LSP1: variants seen among roughly 807,000 people sequenced by gnomAD.
The protein encoded by LSP1 is lymphocyte specific protein 1, also known as lymphocyte-specific protein 1.
A neutral mutation model predicts 49.3 loss-of-function variants in LSP1; 32 were observed. The observed-to-expected ratio is 0.65, with a 90% CI of 0.49 to 0.87. The LOEUF is 0.87. Among genes scored for constraint, LSP1 ranks in the 40% least tolerant of loss-of-function variants. The pLI, the probability that LSP1 is intolerant of heterozygous loss-of-function variation, is 0.00. For missense variants in LSP1, 428 were observed against 442.6 expected (o/e 0.97, Z 0.30); for synonymous variants, 179 against 178.8 (o/e 1.00, Z -0.01).
chr11:1,861,586 G>C (rs1051466477), intron 1 of LSP1, among the ~76,000 whole-genome samples: 9 of 151,828 alleles, frequency 5.9e-5, no homozygotes, highest in Non-Finnish European at 1.2e-4. Flanking sequence ...TAGATGAATG[G>C]TTGGATGGAT....
chr11:1,853,245 G>T, intron 1 of LSP1, 48 bp downstream of exon 1: 1 of 1,583,666 alleles, frequency 6.3e-7, no homozygotes, highest in Non-Finnish European at 8.6e-7. Context: ...GTCCACGGGT[G>T]CATAGTCCTT....
intron 1 of LSP1, chr11:1,866,606 T>C (rs1847798785): frequency 2.0e-6 from 3 of 1,511,444 alleles, no homozygotes; most frequent in Non-Finnish European, 2.7e-6. Flanking sequence ...TGGCCCCCCA[T>C]AAGCCTCCTC....
At chr11:1,858,633 G>A (rs1206256150) in intron 1 of LSP1, among the ~76,000 whole-genome samples, 2 of 152,236 alleles carry the variant, frequency 1.3e-5, no homozygotes, top group Non-Finnish European at 1.5e-5. Context: ...ACTTAGAAGA[G>A]AGGGAAGCGA....
chr11:1,864,281 C>T (rs1037762880), intron 1 of LSP1: 9 of 983,696 alleles, frequency 9.1e-6, no homozygotes, highest in Non-Finnish European at 9.7e-6. Context: ...GAACGGCCGA[C>T]GAAGGAGAAG....
intron 1 of LSP1, among the ~76,000 whole-genome samples, chr11:1,860,606 G>C (rs985481727): frequency 3.9e-5 from 6 of 152,172 alleles, no homozygotes; most frequent in African/African-American, 1.2e-4. Flanking sequence ...GTGATATTTA[G>C]AATATTTAAC....
intron 10 of LSP1, chr11:1,890,926 C>A (rs1052935671): frequency 1.1e-5 from 3 of 262,190 alleles, no homozygotes; most frequent in Admixed American, 4.8e-5. Context: ...GGCCGCAACA[C>A]CGTGTGGGCT....
chr11:1,861,248 C>A (rs2133060831), intron 1 of LSP1, among the ~76,000 whole-genome samples: 1 of 152,288 alleles, frequency 6.6e-6, no homozygotes, highest in Non-Finnish European at 1.5e-5. Flanking sequence ...ATATCAATCC[C>A]CTCCAGAACT....
intron 1 of LSP1, among the ~76,000 whole-genome samples, chr11:1,865,748 A>G (rs6578896): frequency 0.28 from 42,564 of 150,468 alleles, 6,376 homozygotes; most frequent in Middle Eastern, 0.39. Context: ...GAGCCCCCAA[A>G]ATGAAGGGCC....
intron 1 of LSP1, among the ~76,000 whole-genome samples, chr11:1,876,218 C>T (rs368688133): frequency 6.2e-4 from 94 of 152,302 alleles, no homozygotes; most frequent in African/African-American, 2.2e-3. Flanking sequence ...TCCCGGCACA[C>T]GGTGCTGTGT....
At chr11:1,889,387 T>G in intron 10 of LSP1, 1 of 700,172 alleles carries the variant, frequency 1.4e-6, no homozygotes, top group East Asian at 2.7e-5. Flanking sequence ...GCATCCCACA[T>G]CCTGGAGGTC....
chr11:1,890,169 CG>C (rs1565091682), intron 10 of LSP1: 1 of 717,020 alleles, frequency 1.4e-6, no homozygotes, highest in East Asian at 2.7e-5. Flanking sequence ...TAGAATCCTG[CG>C]CTGGGTGAGG....
Position 1,859,423 on chromosome 11 carries a change from G to A in LSP1, c.53+6226G>A, listed in dbSNP as rs745639638. ...TTCTTTCTGCTCCAGAGAAGAGCAC[G>A]TCCCCCTCATCTCAAAAGTGCCTGT... On this transcript the variant is annotated intron_variant, in intron 1 of 10. Transcript: ENST00000311604. 3.3e-5 allele frequency: 5 copies of A among 153,242 alleles called. No homozygotes were observed. The East Asian group carries it at 5.8e-4, about 18-fold the overall frequency. 9.5% of individuals were successfully genotyped at this position (153,242 alleles called of 1,614,324 possible). A position where few individuals can be genotyped will look rare whatever the true frequency, so the allele number is the denominator to read the frequency against.
chr11:1,869,668 G>A (rs777528407), intron 1 of LSP1: 23 of 459,842 alleles, frequency 5.0e-5, no homozygotes, highest in South Asian at 3.4e-4. Context: ...CTCCAAAGAC[G>A]GGCGGTAGGA....
rs1274192271 is a variant in LSP1, at chr11:1,891,776, C to T, written c.*17C>T. ...GCACCCCATGCCTATGTTCCAGCTTCCTGGGTCTGCAGGTCCAGCCGGCTG... is the reference window on the plus strand; with the variant it reads ...GCACCCCATGCCTATGTTCCAGCTTTCTGGGTCTGCAGGTCCAGCCGGCTG... On this transcript the variant is annotated 3_prime_UTR_variant, in exon 11 of 11. Transcript: ENST00000311604. The T allele has an allele frequency of 6.6e-6, 1 of 152,586 alleles. No homozygotes were observed. 9.5% of individuals were successfully genotyped at this position (152,586 alleles called of 1,614,324 possible).
At chr11:1,883,878 G>A in intron 4 of LSP1, 54 bp from the exon 5 acceptor site, 2 of 1,493,222 alleles carry the variant, frequency 1.3e-6, no homozygotes, top group South Asian at 2.4e-5. Context: ...GCTGGGCAGG[G>A]CAGGAGGGGC....
At chr11:1,880,350 C>T (rs1194658556) in intron 2 of LSP1, 126 bp downstream of exon 2, 7 of 1,205,288 alleles carry the variant, frequency 5.8e-6, no homozygotes, top group African/African-American at 1.6e-5. Flanking sequence ...GAGGAAGGGC[C>T]CCCAGGAGCA....
intron 1 of LSP1, 148 bp downstream of exon 1, chr11:1,853,345 G>A (rs1040517007): frequency 2.5e-6 from 2 of 806,056 alleles, no homozygotes; most frequent in Non-Finnish European, 1.9e-6. Context: ...GGGAAACTGG[G>A]GACCCACAGA....
intron 8 of LSP1, among the ~76,000 whole-genome samples, 173 bp downstream of exon 8, chr11:1,887,039 TGTGTTGTCC>T (rs1427540238): frequency 6.6e-6 from 1 of 152,232 alleles, no homozygotes; most frequent in Non-Finnish European, 1.5e-5. Context: ...TGTAGAAGGC[TGTGTTGTCC>T]GAGTGGAGGT....
chr11:1,873,933 G>A (rs1330435935), intron 1 of LSP1, among the ~76,000 whole-genome samples: 1 of 136,122 alleles, frequency 7.3e-6, no homozygotes, highest in Non-Finnish European at 1.6e-5. Flanking sequence ...AGGGAGGCCG[G>A]CAGAGGAGGG....
Sources: allele counts gnomAD v4.1 joint callset (sites outside exome capture counted in the v4.1 genomes callset), GRCh38; gene constraint gnomAD v4.1.1; transcripts MANE v1.5; gene names NCBI Gene and HGNC (gene_info 2026-07-23, HGNC 2026-07-21).